CAMTA1: variants seen among roughly 807,000 people sequenced by gnomAD.
CAMTA1 encodes calmodulin-binding transcription activator 1.
In CAMTA1, 27 loss-of-function variants were observed where a neutral mutation model predicts 170.9. The observed-to-expected ratio is 0.16, with a 90% confidence interval of 0.12 to 0.22. CAMTA1 has a LOEUF of 0.22. Ranked by LOEUF, CAMTA1 falls within the 10% of genes least tolerant of loss-of-function variation. The pLI, the probability that CAMTA1 is intolerant of heterozygous loss-of-function variation, is 1.00. For synonymous variants in CAMTA1, 833 were observed against 891.5 expected, an observed-to-expected ratio of 0.93 and a Z score of 1.17; for missense variants, 1,619 against 2,217.2, an observed-to-expected ratio of 0.73 and a Z score of 5.42.
Position 7,663,357 on chromosome 1 carries a change from T to C in CAMTA1, c.810T>C (p.Ala270=), listed in dbSNP as rs1180325081. 6.6e-7 allele frequency: 1 copy of C among 1,525,466 alleles called. No individual in the cohort carries two copies. Among genetic ancestry groups the C allele is most frequent in the Non-Finnish European group, 8.8e-7 (1 of 1,134,382 alleles). The allele number at this position is 1,525,466 out of a possible 1,614,324, so 94.5% of individuals were successfully genotyped here. The change falls in exon 9 of 23, where the codon GCT becomes GCC. Residue 270 remains alanine (A), a synonymous_variant. Coordinates refer to ENST00000303635, the MANE Select transcript of CAMTA1 (RefSeq NM_015215.4). The stretch of plus-strand genomic sequence containing the variant: ...GTTGTGTTCCGATCTCCGCAGGAGC[T>C]GGCGGCAGCGTGCATCACAAGTGTA... ...HNCLCTGSLG[A]GGSVHHKCNS...
intron 3 of CAMTA1, among the ~76,000 whole-genome samples, chr1:6,881,540 A>G (rs1671583595): frequency 6.6e-6 from 1 of 152,170 alleles, no homozygotes; most frequent in African/African-American, 2.4e-5. Context: ...GAGCGTGGGA[A>G]GGGGCACGGG....
chr1:7,327,668 A>G (rs1285510949), intron 5 of CAMTA1, among the ~76,000 whole-genome samples: 6 of 152,190 alleles, frequency 3.9e-5, no homozygotes, highest in African/African-American at 1.4e-4. Context: ...GTCCTTGATT[A>G]GGTAAGAAGG....
Position 7,252,122 on chromosome 1 carries a change from G to A in CAMTA1, c.438+2496G>A, listed in dbSNP as rs564872514. On this transcript the variant is annotated intron_variant, in intron 5 of 22. Coordinates refer to ENST00000303635, the MANE Select transcript of CAMTA1 (RefSeq NM_015215.4). ...AAGTGTTCTTATACACGTCTTTTTG[G>A]GCACATAGGCAACCTGGACCCAGAA... Among the ~76,000 whole-genome samples the A allele has an allele frequency of 4.9e-4, 74 of 152,004 alleles. 1 individual carries two copies. Among genetic ancestry groups the A allele is most frequent in the African/African-American group, 1.7e-3 (69 of 41,418 alleles).
chr1:7,335,668 A>G (rs2083336083), intron 5 of CAMTA1, among the ~76,000 whole-genome samples: 1 of 152,154 alleles, frequency 6.6e-6, no homozygotes, highest in African/African-American at 2.4e-5. Context: ...GAGGATGGGC[A>G]AATAGCATTC....
intron 6 of CAMTA1, among the ~76,000 whole-genome samples, chr1:7,509,061 TC>T (rs1343724333): frequency 2.6e-5 from 4 of 151,758 alleles, no homozygotes; most frequent in Non-Finnish European, 4.4e-5. Flanking sequence ...CTGCTGTGGG[TC>T]CCCCCAGGCA....
At chr1:6,891,597 G>A (rs7533228) in intron 3 of CAMTA1, among the ~76,000 whole-genome samples, 28,729 of 152,080 alleles carry the variant, frequency 0.19, 2,787 homozygotes, top group East Asian at 0.28. Flanking sequence ...TCAACTAGGC[G>A]TTTTTGCCAT....
At chr1:7,492,288 G>A (rs2093715125) in intron 6 of CAMTA1, among the ~76,000 whole-genome samples, 1 of 152,174 alleles carries the variant, frequency 6.6e-6, no homozygotes, top group Admixed American at 6.5e-5. Flanking sequence ...AAGGCACTAC[G>A]GGGGCCCAGG....
chr1:7,042,273 C>T (rs1446440883), intron 3 of CAMTA1, among the ~76,000 whole-genome samples: 2 of 152,244 alleles, frequency 1.3e-5, no homozygotes, highest in Non-Finnish European at 2.9e-5. Context: ...CCTCGTCCCC[C>T]TTCCCTGGGC....
In CAMTA1 at chr1:6,971,199, C is replaced by T. The variant is rs549060903; in HGVS notation, c.235-120105C>T. The stretch of plus-strand genomic sequence containing the variant: ...GACGTTCCTGCTGGAGAAGAGCACA[C>T]GATGGGCCTCGCTCCTCATGCTCCC... On this transcript the variant is annotated intron_variant, in intron 3 of 22. Coordinates refer to ENST00000303635, the MANE Select transcript of CAMTA1 (RefSeq NM_015215.4). The surrounding 1 kb of genome is among the most constrained non-coding windows in gnomAD (Gnocchi z 4.6). Among the ~76,000 whole-genome samples, 1 of 152,308 alleles carries T rather than the reference C, an allele frequency of 6.6e-6. No homozygotes were observed. The highest frequency in any genetic ancestry group is 2.1e-4 in the South Asian group (1 of 4,826).
intron 1 of CAMTA1, among the ~76,000 whole-genome samples, chr1:6,799,637 G>C (rs1216437362): frequency 6.6e-6 from 1 of 152,166 alleles, no homozygotes; most frequent in East Asian, 1.9e-4. Context: ...CATGTGTTGG[G>C]TAAAGGGTTT....
intron 3 of CAMTA1, among the ~76,000 whole-genome samples, chr1:6,864,060 A>G (rs1052503705): frequency 5.3e-5 from 8 of 152,210 alleles, no homozygotes; most frequent in African/African-American, 1.4e-4. Flanking sequence ...GCAAAGTACC[A>G]TTCTCATCAC....
intron 5 of CAMTA1, among the ~76,000 whole-genome samples, chr1:7,370,914 CTTT>C (rs61387662): frequency 9.1e-6 from 1 of 110,008 alleles, no homozygotes; most frequent in Non-Finnish European, 1.7e-5. Flanking sequence ...TTCTTTCTTT[CTTT>C]TTTTTTTTTT....
rs1056969594 is a variant in CAMTA1, at chr1:7,234,003, G to A, written c.303-15488G>A. ...TGCACTCTCCAGGTTAATTTATGCC[G>A]TCTTACATTTTATGCTACATTTGTA... On this transcript the variant is annotated intron_variant, in intron 4 of 22. Coordinates refer to ENST00000303635, the MANE Select transcript of CAMTA1 (RefSeq NM_015215.4). The surrounding 1 kb of genome is among the most constrained non-coding windows in gnomAD (Gnocchi z 5.0). Among the ~76,000 whole-genome samples, 7 of 152,204 alleles carry A rather than the reference G, an allele frequency of 4.6e-5. No individual in the cohort carries two copies. Among genetic ancestry groups the A allele is most frequent in the African/African-American group, 9.6e-5 (4 of 41,532 alleles).
At chr1:7,601,640 G>C (rs1027073876) in intron 6 of CAMTA1, among the ~76,000 whole-genome samples, 2 of 152,230 alleles carry the variant, frequency 1.3e-5, no homozygotes, top group African/African-American at 4.8e-5. Flanking sequence ...CTGCACTCCA[G>C]CCTGGGCACC....
chr1:7,526,268 G>A (rs1207201924), intron 6 of CAMTA1, among the ~76,000 whole-genome samples: 2 of 151,956 alleles, frequency 1.3e-5, no homozygotes, highest in African/African-American at 2.4e-5. Context: ...GGCTCTGGAG[G>A]CTGGAGTTCC....
chr1:6,947,493 A>G (rs1050353370), intron 3 of CAMTA1, among the ~76,000 whole-genome samples: 1 of 148,244 alleles, frequency 6.7e-6, no homozygotes, highest in Admixed American at 6.7e-5. Flanking sequence ...ATCTCATCTC[A>G]CCTCAGCCTC....
At position 6,965,146 on chromosome 1, in the gene CAMTA1, A is replaced by T. The variant is rs986365520; in HGVS notation, c.235-126158A>T. ...GCTGTATTTCTGGTGAGATGTATTA[A>T]TATGTGAAAGCCACTTCGGGAAAAG... is the stretch of plus-strand genomic sequence containing the variant. On this transcript the variant is annotated intron_variant, in intron 3 of 22. Transcript: ENST00000303635. The surrounding 1 kb of genome is among the most constrained non-coding windows in gnomAD (Gnocchi z 4.1). Among the ~76,000 whole-genome samples the T allele has an allele frequency of 5.9e-5, 9 of 152,158 alleles. No homozygotes were observed. The highest frequency in any genetic ancestry group is 1.2e-4 in the Non-Finnish European group (8 of 68,022).
chr1:6,866,998 T>A (rs975491077), intron 3 of CAMTA1, among the ~76,000 whole-genome samples: 1 of 152,246 alleles, frequency 6.6e-6, no homozygotes, highest in African/African-American at 2.4e-5. Context: ...CATGGCTGCG[T>A]GCCTAAAGCA....
chr1:7,429,059 T>C (rs1243999435), intron 5 of CAMTA1, among the ~76,000 whole-genome samples: 1 of 152,180 alleles, frequency 6.6e-6, no homozygotes, highest in Admixed American at 6.5e-5. Flanking sequence ...TTGGAGTGCT[T>C]TCTGCTTCCA....
Sources: gnomAD v4.1 joint callset for allele counts (sites outside exome capture counted in the v4.1 genomes callset) on GRCh38, gnomAD v4.1.1 for gene constraint, Gnocchi (gnomAD v3.1) non-coding constraint, MANE v1.5 for transcripts, NCBI Gene and HGNC (gene_info 2026-07-23, HGNC 2026-07-21) for gene names.